The following ATRN variants were observed in gnomAD, a reference collection of about 807,000 sequenced individuals.
ATRN encodes attractin, also known as attractin-2.
ATRN carries 54 observed loss-of-function variants against 178.7 expected under a neutral mutation model. The observed-to-expected ratio is 0.30, with a 90% CI of 0.24 to 0.38. ATRN has a LOEUF of 0.38. ATRN is among the 10% of genes least tolerant of loss of function. The probability of loss-of-function intolerance (pLI) is 1.00; values close to 1 mark genes in which losing one functional copy is unlikely to be tolerated. For synonymous variants in ATRN, 636 were observed against 663.0 expected (o/e 0.96, Z 0.63); for missense variants, 1,443 against 1,815.1 (o/e 0.79, Z 3.73).
rs1307722255 is a variant in ATRN at position 3,630,964 on chromosome 20, T to TTTTTTTTG, written c.3864-3347_3864-3346insTTTTTTTG. On this transcript the variant is annotated intron_variant, in intron 25 of 28. Transcript: ENST00000262919. ...TTTTTTTTTTTTTTTTTTTTTTTTTTGGGATAGGGTCTCTGTTGCCCAGGC... is the reference window on the plus strand; with the variant it reads ...TTTTTTTTTTTTTTTTTTTTTTTTTTTTTTTTTGGGGATAGGGTCTCTGTTGCCCAGGC... Among the ~76,000 whole-genome samples, 64 of 73,474 alleles carry TTTTTTTTG rather than the reference T, an allele frequency of 8.7e-4. 10 individuals carry two copies. Among genetic ancestry groups the TTTTTTTTG allele is most frequent in the Non-Finnish European group, 1.3e-3 (50 of 39,830 alleles). The allele number at this position is 73,474 out of a possible 152,430, so 48.2% of individuals were successfully genotyped here.
chr20:3,627,683 G>T (rs235548), intron 25 of ATRN, among the ~76,000 whole-genome samples: 2,753 of 152,256 alleles, frequency 0.018, 86 homozygotes, highest in African/African-American at 0.063. Context: ...AAGGGTATTT[G>T]ATGAACAACT....
At chr20:3,610,990 G>T (rs1408070423) in intron 24 of ATRN, among the ~76,000 whole-genome samples, 1 of 151,946 alleles carries the variant, frequency 6.6e-6, no homozygotes, top group Non-Finnish European at 1.5e-5. Context: ...GACAACCATA[G>T]GCAACTAAAG....
chr20:3,540,775 C>CGTGTGTGT (rs144411631), intron 3 of ATRN, among the ~76,000 whole-genome samples: 1 of 150,990 alleles, frequency 6.6e-6, no homozygotes, highest in South Asian at 2.1e-4. Context: ...TAATTGTGTG[C>CGTGTGTGT]GTGTGTGTGT....
intron 9 of ATRN, 115 bp downstream of exon 9, chr20:3,562,574 A>G (rs889098960): frequency 1.3e-5 from 13 of 1,013,030 alleles, no homozygotes; most frequent in Non-Finnish European, 1.7e-5. Context: ...TCTGTTCGGC[A>G]TTATATATAG....
At position 3,583,819 on chromosome 20, in the gene ATRN, GAAAA is replaced by G. The variant is rs533707073; in HGVS notation, c.2765-78_2765-75del. The stretch of plus-strand genomic sequence containing the variant: ...GAGACTCCGTCTCAAAAAAAAAAAA[GAAAA>G]GAAAGAAAGAAAAGTCTTTGACCTT... On this transcript the variant is annotated intron_variant, in intron 16 of 28. Coordinates refer to ENST00000262919, the MANE Select transcript of ATRN (RefSeq NM_139321.3). The G allele has an allele frequency of 1.8e-4, 234 of 1,328,774 alleles. No homozygotes were observed. The African/African-American group carries it at 2.6e-3, about 15-fold the overall frequency. The allele number at this position is 1,328,774 out of a possible 1,614,324, so 82.3% of individuals were successfully genotyped here. A position where few individuals can be genotyped will look rare whatever the true frequency, so the allele number is the denominator to read the frequency against.
chr20:3,511,095 G>A (rs1406794453), intron 1 of ATRN, among the ~76,000 whole-genome samples: 1 of 152,074 alleles, frequency 6.6e-6, no homozygotes, highest in Non-Finnish European at 1.5e-5. Flanking sequence ...AAACCTTTGA[G>A]ATACAGCTAA....
At chr20:3,626,959 G>A (rs548381481) in intron 25 of ATRN, among the ~76,000 whole-genome samples, 57 of 151,876 alleles carry the variant, frequency 3.8e-4, no homozygotes, top group African/African-American at 1.3e-3. Context: ...GCTAATTTTT[G>A]TATTTTTAGC....
intron 1 of ATRN, among the ~76,000 whole-genome samples, chr20:3,527,779 A>C (rs1255699073): frequency 1.3e-5 from 2 of 152,150 alleles, no homozygotes; most frequent in Non-Finnish European, 2.9e-5. Context: ...CAGGGACATG[A>C]TGAGGCTGGA....
intron 1 of ATRN, among the ~76,000 whole-genome samples, chr20:3,481,672 G>T (rs2084622995): frequency 6.6e-6 from 1 of 150,922 alleles, no homozygotes; most frequent in African/African-American, 2.4e-5. Flanking sequence ...TAAGTTTTCA[G>T]TTTTTTTCAG....
At chr20:3,521,938 CAT>C (rs1269230582) in intron 1 of ATRN, among the ~76,000 whole-genome samples, 1 of 151,036 alleles carries the variant, frequency 6.6e-6, no homozygotes, top group African/African-American at 2.5e-5. Context: ...CACTCTACCA[CAT>C]TCAGCTAATT....
At position 3,650,678 on chromosome 20, in the gene ATRN, C is replaced by T. The variant is rs1035525072; in HGVS notation, c.*3831C>T. The T allele has an allele frequency of 6.6e-6, 1 of 152,534 alleles. No individual in the cohort carries two copies. Among genetic ancestry groups the T allele is most frequent in the Non-Finnish European group, 1.5e-5 (1 of 68,040 alleles). 9.4% of individuals were successfully genotyped at this position (152,534 alleles called of 1,614,324 possible). On this transcript the variant is annotated 3_prime_UTR_variant, in exon 29 of 29. Transcript: ENST00000262919. ...GAAATGGAGAGGAAAATTGGCACCT[C>T]ATCTTTTAAAGGCAGTAATGGAATT... is the stretch of plus-strand genomic sequence containing the variant.
At chr20:3,518,279 G>A (rs1220896898) in intron 1 of ATRN, among the ~76,000 whole-genome samples, 1 of 152,132 alleles carries the variant, frequency 6.6e-6, no homozygotes, top group Non-Finnish European at 1.5e-5. Context: ...ATTTCTACCG[G>A]TTGCTCCCCT....
intron 11 of ATRN, among the ~76,000 whole-genome samples, chr20:3,569,453 G>A (rs1170814126): frequency 2.0e-5 from 3 of 152,140 alleles, no homozygotes; most frequent in East Asian, 1.9e-4. Flanking sequence ...ATAAAAAAAT[G>A]TACACCTGTA....
At chr20:3,474,242 C>T (rs2084479316) in intron 1 of ATRN, among the ~76,000 whole-genome samples, 1 of 152,088 alleles carries the variant, frequency 6.6e-6, no homozygotes, top group African/African-American at 2.4e-5. Flanking sequence ...TGAAGGGACT[C>T]CCCTGCTTAT....
rs1435396457 is a variant in ATRN, at chr20:3,637,294, C to G, written c.3943-1534C>G. ...TTTTTAAAAACAATAGTAGTAGCGG[C>G]TGACGCTGTTTAGTCCTTGCTACAC... On this transcript the variant is annotated intron_variant, in intron 26 of 28. Transcript: ENST00000262919. 2.6e-5 allele frequency among the ~76,000 whole-genome samples: 4 copies of G among 152,320 alleles called. No individual in the cohort carries two copies. In the East Asian group the frequency reaches 7.7e-4, roughly 29 times the overall value.
At chr20:3,646,133 A>C (rs946916907) in intron 28 of ATRN, among the ~76,000 whole-genome samples, 2 of 152,164 alleles carry the variant, frequency 1.3e-5, no homozygotes. Context: ...CCATTTTACA[A>C]ATGAGGAAAC....
chr20:3,602,529 G>T (rs1469983169), intron 23 of ATRN, among the ~76,000 whole-genome samples: 2 of 152,092 alleles, frequency 1.3e-5, no homozygotes, highest in African/African-American at 4.8e-5. Flanking sequence ...ATATTGCCTT[G>T]TACACGCCAC....
intron 5 of ATRN, 54 bp downstream of exon 5, chr20:3,547,543 A>G (rs1016675848): frequency 3.7e-6 from 5 of 1,366,394 alleles, no homozygotes; most frequent in Non-Finnish European, 5.1e-6. Flanking sequence ...CATTCCCACT[A>G]AATAAATTAT....
At position 3,495,250 on chromosome 20, in the gene ATRN, A is replaced by C. The variant is rs78729228; in HGVS notation, c.410+23733A>C. Among the ~76,000 whole-genome samples the C allele has an allele frequency of 9.2e-3, 1,404 of 152,294 alleles. 12 individuals are homozygous for C. Among genetic ancestry groups the C allele is most frequent in the Non-Finnish European group, 0.016 (1,120 of 68,030 alleles). On this transcript the variant is annotated intron_variant, in intron 1 of 28. Transcript: ENST00000262919. ...TTTTAGTATTGGTGCCAAAAATTTAAGTCACTTACTTTAACACTTAGAAAT... is the reference window on the plus strand; with the variant it reads ...TTTTAGTATTGGTGCCAAAAATTTACGTCACTTACTTTAACACTTAGAAAT...
Sources: allele counts gnomAD v4.1 joint callset (sites outside exome capture counted in the v4.1 genomes callset), GRCh38; gene constraint gnomAD v4.1.1; transcripts MANE v1.5; gene names NCBI Gene and HGNC (gene_info 2026-07-23, HGNC 2026-07-21).